Variants in VPS13B observed in about 807,000 individuals in gnomAD.
The protein encoded by VPS13B is intermembrane lipid transfer protein VPS13B.
In VPS13B, 285 loss-of-function variants were observed where a neutral mutation model predicts 426.4. The ratio of observed to expected loss-of-function variants is 0.67; its 90% CI spans 0.61 to 0.74. VPS13B has a LOEUF of 0.74. VPS13B is among the 30% of genes least tolerant of loss of function. The pLI, the probability that VPS13B is intolerant of heterozygous loss-of-function variation, is 0.00. For synonymous variants in VPS13B, 1,676 were observed against 1,676.4 expected (o/e 1.00, Z 0.01); for missense variants, 4,537 against 4,782.6 (o/e 0.95, Z 1.51).
chr8:99,853,416 G>T, intron 55 of VPS13B, 35 bp from the exon 56 acceptor site: 1 of 1,600,190 alleles, frequency 6.2e-7, no homozygotes, highest in Non-Finnish European at 8.6e-7. Context: ...AAAGGTGAGT[G>T]GGGGGACTAA....
chr8:99,865,760 GTGGTATCCCATTTTATGCC>G (rs1329030372), intron 58 of VPS13B, among the ~76,000 whole-genome samples: 1 of 152,240 alleles, frequency 6.6e-6, no homozygotes, highest in African/African-American at 2.4e-5. Context: ...GAGCTGTGGC[GTGGTATCCCATTTTATGCC>G]TGTCCTTCTG....
At chr8:99,762,662 C>T (rs1588691731) in intron 39 of VPS13B, among the ~76,000 whole-genome samples, 1 of 152,262 alleles carries the variant, frequency 6.6e-6, no homozygotes, top group East Asian at 1.9e-4. Flanking sequence ...CTGGCAACAA[C>T]ATATAAGCTT....
intron 17 of VPS13B, among the ~76,000 whole-genome samples, chr8:99,226,352 A>T (rs1457650341): frequency 6.6e-6 from 1 of 152,142 alleles, no homozygotes; most frequent in East Asian, 1.9e-4. Context: ...CTTTAGGTGT[A>T]CTTCTTTTAA....
At chr8:99,037,032 A>C (rs1842775700) in intron 2 of VPS13B, among the ~76,000 whole-genome samples, 1 of 152,014 alleles carries the variant, frequency 6.6e-6, no homozygotes, top group African/African-American at 2.4e-5. Flanking sequence ...ACATTTTGTG[A>C]TTCTTAGGAG....
At chr8:99,504,522 T>C (rs887715597) in intron 27 of VPS13B, among the ~76,000 whole-genome samples, 2 of 152,186 alleles carry the variant, frequency 1.3e-5, no homozygotes, top group African/African-American at 4.8e-5. Flanking sequence ...TATATCTCCA[T>C]TGGAACTCTT....
At chr8:99,688,358 T>G (rs1374188813) in intron 35 of VPS13B, among the ~76,000 whole-genome samples, 2 of 151,662 alleles carry the variant, frequency 1.3e-5, no homozygotes, top group Non-Finnish European at 2.9e-5. Flanking sequence ...AAAAACATGG[T>G]GGAGGAAAAT....
intron 33 of VPS13B, among the ~76,000 whole-genome samples, chr8:99,620,988 A>AAAAC (rs1828324137): frequency 2.1e-5 from 2 of 95,114 alleles, no homozygotes; most frequent in Admixed American, 1.5e-4. Context: ...CTCCATCTCA[A>AAAAC]AAAAAAAAAA....
intron 3 of VPS13B, among the ~76,000 whole-genome samples, chr8:99,062,469 A>T (rs1191914793): frequency 6.6e-6 from 1 of 152,108 alleles, no homozygotes; most frequent in Non-Finnish European, 1.5e-5. Flanking sequence ...TAACTTTATT[A>T]TATGTTTATT....
intron 59 of VPS13B, among the ~76,000 whole-genome samples, chr8:99,868,929 G>C (rs530516216): frequency 6.6e-6 from 1 of 152,320 alleles, no homozygotes; most frequent in Admixed American, 6.5e-5. Flanking sequence ...CTCGCAGCCA[G>C]GCTGGGCAGA....
chr8:99,513,306 C>G (rs771117123), intron 29 of VPS13B, among the ~76,000 whole-genome samples: 42 of 151,786 alleles, frequency 2.8e-4, no homozygotes, highest in Non-Finnish European at 2.1e-4. Flanking sequence ...GTTCCCCATT[C>G]CTTAATTGTA....
rs181833170 is a variant in VPS13B, at chr8:99,434,779, C to T, written c.3210+3115C>T. On this transcript the variant is annotated intron_variant, in intron 22 of 61. Transcript: ENST00000357162. The stretch of plus-strand genomic sequence containing the variant: ...TCTTGTGTAATTAACTCTTAGCTTG[C>T]AGAGTTATGACTCTTTTAGGGATAT... Among the ~76,000 whole-genome samples the T allele has an allele frequency of 1.4e-4, 22 of 152,236 alleles. No individual in the cohort carries two copies. The East Asian group carries it at 2.9e-3, about 20-fold the overall frequency.
chr8:99,602,973 C>A (rs940032610), intron 33 of VPS13B, among the ~76,000 whole-genome samples: 1 of 152,092 alleles, frequency 6.6e-6, no homozygotes, highest in Non-Finnish European at 1.5e-5. Context: ...TTTATAGATT[C>A]AATGCTATCC....
At chr8:99,430,817 C>T (rs1236810606) in intron 21 of VPS13B, among the ~76,000 whole-genome samples, 1 of 151,658 alleles carries the variant, frequency 6.6e-6, no homozygotes, top group African/African-American at 2.4e-5. Flanking sequence ...CTCCCGGGTT[C>T]AAGTGATTCC....
intron 16 of VPS13B, among the ~76,000 whole-genome samples, chr8:99,179,881 G>A (rs1588118048): frequency 6.6e-6 from 1 of 151,108 alleles, no homozygotes; most frequent in East Asian, 1.9e-4. Flanking sequence ...ATACTTTTTT[G>A]ACAATCAAGT....
chr8:99,296,778 C>T (rs1820063898), intron 19 of VPS13B, among the ~76,000 whole-genome samples: 1 of 152,132 alleles, frequency 6.6e-6, no homozygotes, highest in Admixed American at 6.6e-5. Context: ...TATTGTCCTT[C>T]TGCCACGTGA....
At chr8:99,073,640 T>G (rs1844950252) in intron 3 of VPS13B, among the ~76,000 whole-genome samples, 1 of 151,588 alleles carries the variant, frequency 6.6e-6, no homozygotes, top group Admixed American at 6.6e-5. Flanking sequence ...GTATATAAGA[T>G]CATGTTGTCT....
intron 17 of VPS13B, among the ~76,000 whole-genome samples, chr8:99,220,205 A>G (rs999706336): frequency 1.3e-5 from 2 of 152,156 alleles, no homozygotes; most frequent in African/African-American, 4.8e-5. Flanking sequence ...TCTGCTTCCA[A>G]TAGTTTCTGA....
At chr8:99,089,102 G>C (rs1043719080) in intron 3 of VPS13B, among the ~76,000 whole-genome samples, 2 of 152,120 alleles carry the variant, frequency 1.3e-5, no homozygotes, top group South Asian at 4.1e-4. Flanking sequence ...GGGCAAAGTG[G>C]TTAGTATTGG....
intron 29 of VPS13B, among the ~76,000 whole-genome samples, chr8:99,518,260 G>T (rs890560667): frequency 6.6e-6 from 1 of 152,090 alleles, no homozygotes; most frequent in Admixed American, 6.6e-5. Context: ...CACCTTTGTG[G>T]TACGGTTTAT....
Sources: allele counts gnomAD v4.1 joint callset (sites outside exome capture counted in the v4.1 genomes callset), GRCh38; gene constraint gnomAD v4.1.1; transcripts MANE v1.5; gene names NCBI Gene and HGNC (gene_info 2026-07-23, HGNC 2026-07-21).